The following RANBP2 variants were observed in gnomAD, a reference collection of about 807,000 sequenced individuals.
RANBP2 encodes RAN binding protein 2.
Under a neutral mutation model 303.6 loss-of-function variants are expected in RANBP2, and 57 were observed. That is an observed-to-expected ratio of 0.19 (90% CI 0.15 to 0.23). The LOEUF (loss-of-function observed/expected upper bound fraction) is 0.23, where lower values mean the gene tolerates loss of function less well. Among genes scored for constraint, RANBP2 ranks in the 10% least tolerant of loss-of-function variants. The pLI, the probability that RANBP2 is intolerant of heterozygous loss-of-function variation, is 1.00. For missense variants in RANBP2, 3,138 were observed against 3,780.8 expected (o/e 0.83, Z 4.46); for synonymous variants, 1,167 against 1,301.5 (o/e 0.90, Z 2.23).
the RANBP2 span, chr2:109,615,316 C>G: frequency 6.2e-7 from 1 of 1,608,800 alleles, no homozygotes; most frequent in South Asian, 1.1e-5. Context: ...CTCTCTGCCT[C>G]CGATGGCAAG....
the RANBP2 span, among the ~76,000 whole-genome samples, chr2:108,950,203 ACCTC>A: frequency 0.012 from 1,348 of 112,622 alleles, 17 homozygotes; most frequent in South Asian, 0.041. Flanking sequence ...TTCCCTCCCT[ACCTC>A]CCTCCCTCCC....
At chr2:109,473,398 C>G in the RANBP2 span, among the ~76,000 whole-genome samples, 1 of 152,118 alleles carries the variant, frequency 6.6e-6, no homozygotes, top group East Asian at 1.9e-4. Flanking sequence ...CCCCCATCAG[C>G]ATTTGGCACC....
chr2:109,367,471 G>A, the RANBP2 span, among the ~76,000 whole-genome samples: 2 of 151,444 alleles, frequency 1.3e-5, no homozygotes, highest in African/African-American at 2.4e-5. Context: ...TAATAGAAAC[G>A]GGGTTTCACC....
chr2:109,024,020 G>A, the RANBP2 span, among the ~76,000 whole-genome samples: 1 of 152,104 alleles, frequency 6.6e-6, no homozygotes, highest in Non-Finnish European at 1.5e-5. Context: ...CCACCTCCCG[G>A]GTTGAAGCGA....
the RANBP2 span, among the ~76,000 whole-genome samples, chr2:108,995,653 A>G: frequency 1.3e-5 from 2 of 152,322 alleles, no homozygotes; most frequent in East Asian, 3.9e-4. Context: ...TGCATTTCTT[A>G]GCTTCCCTTG....
the RANBP2 span, among the ~76,000 whole-genome samples, chr2:108,986,395 C>T: frequency 1.3e-5 from 2 of 152,094 alleles, no homozygotes; most frequent in African/African-American, 2.4e-5. Flanking sequence ...GGAGTGTTTG[C>T]TTACTCCACT....
At chr2:108,993,977 G>A in the RANBP2 span, among the ~76,000 whole-genome samples, 1 of 152,046 alleles carries the variant, frequency 6.6e-6, no homozygotes, top group Non-Finnish European at 1.5e-5. Context: ...CATTTACAAG[G>A]GCACTAATCC....
the RANBP2 span, among the ~76,000 whole-genome samples, chr2:109,540,251 G>A: frequency 2.0e-5 from 3 of 152,094 alleles, no homozygotes; most frequent in East Asian, 3.9e-4. Flanking sequence ...CGGGTGCACT[G>A]TTTTATCTAC....
intron 25 of RANBP2, among the ~76,000 whole-genome samples, chr2:108,780,275 C>T (rs1473422935): frequency 6.7e-6 from 1 of 149,860 alleles, no homozygotes; most frequent in Admixed American, 6.7e-5. Context: ...TCATTGCAAC[C>T]TCCGCCTCCC....
chr2:108,954,586 G>A, the RANBP2 span, among the ~76,000 whole-genome samples: 1 of 152,228 alleles, frequency 6.6e-6, no homozygotes, highest in Admixed American at 6.5e-5. Context: ...TGCCTGGTAT[G>A]TATGGTCCCT....
At chr2:109,018,341 C>T in the RANBP2 span, among the ~76,000 whole-genome samples, 1 of 152,166 alleles carries the variant, frequency 6.6e-6, no homozygotes, top group Admixed American at 6.5e-5. Context: ...GGTCTCATTG[C>T]CTTGTCTGGT....
At chr2:108,931,155 C>T in the RANBP2 span, 1 of 798,718 alleles carries the variant, frequency 1.3e-6, no homozygotes, top group Non-Finnish European at 2.2e-6. Flanking sequence ...AACTATACAT[C>T]CTAAAAGAAA....
At chr2:109,052,795 C>G in the RANBP2 span, among the ~76,000 whole-genome samples, 1 of 152,118 alleles carries the variant, frequency 6.6e-6, no homozygotes, top group African/African-American at 2.4e-5. Context: ...CCACCCGGCC[C>G]GGCCTGTCTT....
At chr2:108,848,474 G>A in the RANBP2 span, among the ~76,000 whole-genome samples, 1 of 152,114 alleles carries the variant, frequency 6.6e-6, no homozygotes. Context: ...AATAATGGAT[G>A]GATGAATAGG....
chr2:108,799,141 A>G, the RANBP2 span, among the ~76,000 whole-genome samples: 1 of 152,126 alleles, frequency 6.6e-6, no homozygotes, highest in Non-Finnish European at 1.5e-5. Flanking sequence ...TTGAATCTAG[A>G]GCACTCAACC....
At chr2:109,595,904 G>A in the RANBP2 span, among the ~76,000 whole-genome samples, 7 of 152,284 alleles carry the variant, frequency 4.6e-5, no homozygotes, top group South Asian at 1.2e-3. Context: ...CATGCTTGTC[G>A]TTAATTCCGG....
At chr2:109,668,471 A>G in the RANBP2 span, among the ~76,000 whole-genome samples, 1 of 152,230 alleles carries the variant, frequency 6.6e-6, no homozygotes, top group Non-Finnish European at 1.5e-5. Flanking sequence ...CACAGAAGGC[A>G]TGATACCTAT....
At chr2:109,184,363 C>T in the RANBP2 span, among the ~76,000 whole-genome samples, 36 of 152,252 alleles carry the variant, frequency 2.4e-4, no homozygotes, top group African/African-American at 8.7e-4. Flanking sequence ...CAGGAGTTTC[C>T]TAGCAGGATG....
the RANBP2 span, among the ~76,000 whole-genome samples, chr2:108,860,511 AG>A: frequency 6.7e-6 from 1 of 149,462 alleles, no homozygotes; most frequent in African/African-American, 2.5e-5. Context: ...TAGGTTGTTG[AG>A]GTTTTTTTTT....
Sources: allele counts gnomAD v4.1 joint callset (sites outside exome capture counted in the v4.1 genomes callset), GRCh38; gene constraint gnomAD v4.1.1; transcripts MANE v1.5; gene names NCBI Gene and HGNC (gene_info 2026-07-23, HGNC 2026-07-21).